Variants in SOBP observed in about 807,000 individuals in gnomAD.
SOBP encodes the protein sine oculis binding protein homolog, also known as sine oculis-binding protein homolog.
Under a neutral mutation model 53.6 loss-of-function variants are expected in SOBP, and 4 were observed. That is an observed-to-expected ratio of 0.07 (90% CI 0.04 to 0.17). The LOEUF is 0.17. Among genes scored for constraint, SOBP ranks in the 10% least tolerant of loss-of-function variants. The pLI is 1.00. For synonymous variants in SOBP, 584 were observed against 522.6 expected (o/e 1.12, Z -1.60); for missense variants, 1,088 against 1,204.7 (o/e 0.90, Z 1.43).
At chr6:107,572,501 G>A (rs1785102459) in intron 4 of SOBP, among the ~76,000 whole-genome samples, 1 of 151,990 alleles carries the variant, frequency 6.6e-6, no homozygotes, top group Non-Finnish European at 1.5e-5. Flanking sequence ...ACAGGATTTT[G>A]CCATGTTGCC....
Position 107,635,101 on chromosome 6 carries a change from C to T in SOBP, c.2257C>T (p.Pro753Ser), listed in dbSNP as rs1419323187. The T allele has an allele frequency of 4.4e-6, 7 of 1,602,618 alleles. No homozygotes were observed. Among genetic ancestry groups the T allele is most frequent in the Non-Finnish European group, 5.1e-6 (6 of 1,174,740 alleles). The change falls in exon 6 of 7, where the codon CCC (proline) becomes TCC (serine). Residue 753 changes from proline to serine, a missense_variant. Transcript: ENST00000317357. This position sits in a 1 kb window ranked among gnomAD's most constrained non-coding sequence, Gnocchi z 4.5. ...EQPPPPPPPAPPKKLLSPEEP... is the reference protein window; with the variant it reads ...EQPPPPPPPASPKKLLSPEEP... ...GCCGCCGCCGCCGCCGCCGCCCGCG[C>T]CCCCCAAGAAGCTGCTGTCGCCTGA...
At chr6:107,598,482 A>G (rs1279667254) in intron 5 of SOBP, among the ~76,000 whole-genome samples, 1 of 152,182 alleles carries the variant, frequency 6.6e-6, no homozygotes, top group African/African-American at 2.4e-5. Context: ...TATGGGGGCC[A>G]GTTGGGAGAC....
At chr6:107,504,532 G>A (rs1782928255) in intron 2 of SOBP, among the ~76,000 whole-genome samples, 1 of 152,170 alleles carries the variant, frequency 6.6e-6, no homozygotes, top group African/African-American at 2.4e-5. Flanking sequence ...GAGCTTGCTT[G>A]TCAAAGAAAA....
intron 4 of SOBP, among the ~76,000 whole-genome samples, chr6:107,574,706 G>T (rs1785174526): frequency 6.6e-6 from 1 of 152,024 alleles, no homozygotes; most frequent in Non-Finnish European, 1.5e-5. Context: ...GCCTCATCTT[G>T]GTCCCATACC....
In SOBP at chr6:107,634,354, C is replaced by T. The variant is rs1471958069; in HGVS notation, c.1510C>T (p.Pro504Ser). Residue 504 changes from proline to serine, a missense_variant, in exon 6 of 7, where the codon CCC becomes TCC. Pro to Ser is a moderately conservative substitution (Grantham distance 74). Around this residue, in one of 6 missense-constraint regions of SOBP, gnomAD observed 665 missense variants for 629.7 expected, o/e 1.06. Transcript: ENST00000317357. This position sits in a 1 kb window ranked among gnomAD's most constrained non-coding sequence, Gnocchi z 4.5. ...SMMPNGPMPV[P>S]QMMNFGLPSL... The stretch of plus-strand genomic sequence containing the variant: ...GATGCCAAATGGCCCGATGCCGGTG[C>T]CCCAGATGATGAATTTCGGGCTGCC... 1 of 1,591,846 alleles carries T rather than the reference C, an allele frequency of 6.3e-7. No homozygotes were observed. Among genetic ancestry groups the T allele is most frequent in the Admixed American group, 1.7e-5 (1 of 59,146 alleles).
intron 4 of SOBP, among the ~76,000 whole-genome samples, chr6:107,574,058 T>G (rs937882295): frequency 6.6e-6 from 1 of 152,164 alleles, no homozygotes; most frequent in Admixed American, 6.5e-5. Context: ...AAGGAAAACA[T>G]TACTCAAGTG....
intron 2 of SOBP, among the ~76,000 whole-genome samples, chr6:107,504,017 A>G (rs543780191): frequency 6.6e-6 from 1 of 152,386 alleles, no homozygotes; most frequent in South Asian, 2.1e-4. Flanking sequence ...CCTCCCAGCA[A>G]TGGGAGAACT....
chr6:107,610,156 G>T (rs1445978365), intron 5 of SOBP, among the ~76,000 whole-genome samples: 1 of 152,184 alleles, frequency 6.6e-6, no homozygotes, highest in African/African-American at 2.4e-5. Context: ...TGCATCAGGT[G>T]TCAGGCATTT....
chr6:107,495,992 A>G (rs899780101), intron 1 of SOBP, among the ~76,000 whole-genome samples: 7 of 149,118 alleles, frequency 4.7e-5, no homozygotes, highest in Non-Finnish European at 1.0e-4. Context: ...TTAGAAGAGG[A>G]AAAAAAAAAC....
intron 4 of SOBP, chr6:107,558,367 C>T (rs1264908116): frequency 6.6e-6 from 1 of 151,714 alleles, no homozygotes; most frequent in Admixed American, 6.6e-5. Context: ...CTCCTGGGTT[C>T]AAGCAGTTCT....
chr6:107,490,609 A>G lies in SOBP; in HGVS notation c.-8A>G, dbSNP rs1782554290. The G allele has an allele frequency of 2.5e-6, 4 of 1,597,522 alleles. No individual in the cohort carries two copies. The highest frequency in any genetic ancestry group is 4.5e-5 in the East Asian group (2 of 44,266). ...CATTTCATCTCCACAGAAACCAGACACAAAAACATGGCAGAAATGGAGAAA... is the reference window on the plus strand; with the variant it reads ...CATTTCATCTCCACAGAAACCAGACGCAAAAACATGGCAGAAATGGAGAAA... On this transcript the variant is annotated 5_prime_UTR_variant, in exon 1 of 7. Coordinates refer to ENST00000317357, the MANE Select transcript of SOBP (RefSeq NM_018013.4).
chr6:107,614,825 T>G (rs1786722895), intron 5 of SOBP, among the ~76,000 whole-genome samples: 1 of 152,244 alleles, frequency 6.6e-6, no homozygotes, highest in Non-Finnish European at 1.5e-5. Flanking sequence ...TTGATGTTGA[T>G]CTATTGTGTT....
Position 107,589,341 on chromosome 6 carries a change from G to T in SOBP, c.669+2166G>T, listed in dbSNP as rs574435043. Among the ~76,000 whole-genome samples the T allele has an allele frequency of 2.0e-5, 3 of 152,290 alleles. No individual in the cohort carries two copies. In the East Asian group the frequency reaches 5.8e-4, roughly 29 times the overall value. ...TGTGCCACAGACACTGACAGAAAGT[G>T]CCCTGGCCAGGTAGACGGGACATTG... On this transcript the variant is annotated intron_variant, in intron 5 of 6. Transcript: ENST00000317357.
intron 6 of SOBP, among the ~76,000 whole-genome samples, chr6:107,637,975 C>A (rs1771124030): frequency 6.6e-6 from 1 of 152,146 alleles, no homozygotes. Context: ...ATGATGGGTC[C>A]CCCAAGAAAT....
intron 4 of SOBP, among the ~76,000 whole-genome samples, chr6:107,539,082 A>G (rs532365128): frequency 6.6e-6 from 1 of 152,304 alleles, no homozygotes; most frequent in African/African-American, 2.4e-5. Context: ...CATGTTCACC[A>G]AAACACTTGA....
At chr6:107,648,261 C>G (rs1445770325) in intron 6 of SOBP, among the ~76,000 whole-genome samples, 4 of 152,142 alleles carry the variant, frequency 2.6e-5, no homozygotes, top group Non-Finnish European at 5.9e-5. Context: ...TTGTCACAGG[C>G]AGAATTTTTG....
rs2115145085 is a variant in SOBP at position 107,634,250 on chromosome 6, C to G, written c.1406C>G (p.Pro469Arg). ...HIHPPSTPTM[P>R]GNPPGLLPPP... ...CACCCCCCGAGCACCCCCACCATGC[C>G]CGGGAACCCCCCAGGCCTGCTGCCC... is the stretch of plus-strand genomic sequence containing the variant. The change falls in exon 6 of 7, where the codon CCC (proline) becomes CGC (arginine). Residue 469 changes from proline (P) to arginine (R), a missense_variant. Transcript: ENST00000317357. The surrounding 1 kb of genome is among the most constrained non-coding windows in gnomAD (Gnocchi z 4.5). The G allele has an allele frequency of 6.4e-7, 1 of 1,573,762 alleles. No individual in the cohort carries two copies. The highest frequency in any genetic ancestry group is 8.6e-7 in the Non-Finnish European group (1 of 1,165,604).
chr6:107,614,059 G>A (rs1003005219), intron 5 of SOBP, among the ~76,000 whole-genome samples: 29 of 152,208 alleles, frequency 1.9e-4, no homozygotes, highest in African/African-American at 7.0e-4. Context: ...GGAAGTGTAA[G>A]GCAGAGCAGC....
chr6:107,546,921 A>G (rs960356254), intron 4 of SOBP, among the ~76,000 whole-genome samples: 54 of 152,326 alleles, frequency 3.5e-4, no homozygotes, highest in African/African-American at 1.3e-3. Context: ...AATAAAGCCC[A>G]GCCTTGGATT....
Sources: allele counts gnomAD v4.1 joint callset (sites outside exome capture counted in the v4.1 genomes callset), GRCh38; gene constraint gnomAD v4.1.1; regional missense constraint gnomAD v4.1.1; non-coding constraint Gnocchi (gnomAD v3.1); transcripts MANE v1.5; gene names NCBI Gene and HGNC (gene_info 2026-07-23, HGNC 2026-07-21).